Variants in EPAS1 observed in about 807,000 individuals in gnomAD.
EPAS1 encodes endothelial PAS domain protein 1.
Under a neutral mutation model 87.9 loss-of-function variants are expected in EPAS1, and 23 were observed. That is an observed-to-expected ratio of 0.26 (90% confidence interval 0.19 to 0.37). The LOEUF is 0.37. Ranked by LOEUF, EPAS1 falls within the 10% of genes least tolerant of loss-of-function variation. The pLI, the probability that EPAS1 is intolerant of heterozygous loss-of-function variation, is 1.00. For missense variants in EPAS1, 1,138 were observed against 1,120.7 expected (o/e 1.02, Z -0.22); for synonymous variants, 508 against 444.3 (o/e 1.14, Z -1.80).
rs1685032566 is a variant in EPAS1, at chr2:46,386,643, C to CTT, written c.*1985_*1986dup. ...ACATTATAACTGTATGGGAGCTTAACTTTATAAGGAAATGTATTTTGACAC... is the reference window on the plus strand; with the variant it reads ...ACATTATAACTGTATGGGAGCTTAACTTTTTATAAGGAAATGTATTTTGACAC... On this transcript the variant is annotated 3_prime_UTR_variant, in exon 16 of 16. Transcript: ENST00000263734. 1 of 152,646 alleles carries CTT rather than the reference C, an allele frequency of 6.6e-6. No individual in the cohort carries two copies. The highest frequency in any genetic ancestry group is 2.1e-4 in the South Asian group (1 of 4,832). The allele number at this position is 152,646 out of a possible 1,614,324, so 9.5% of individuals were successfully genotyped here.
chr2:46,325,849 G>A (rs1294154859), intron 1 of EPAS1, among the ~76,000 whole-genome samples: 1 of 152,158 alleles, frequency 6.6e-6, no homozygotes, highest in East Asian at 1.9e-4. Context: ...GGGACACAAA[G>A]AAGAAACAGA....
At chr2:46,359,536 C>T (rs1211390746) in intron 4 of EPAS1, among the ~76,000 whole-genome samples, 1 of 152,154 alleles carries the variant, frequency 6.6e-6, no homozygotes, top group African/African-American at 2.4e-5. Context: ...GGAATGTTCT[C>T]TCTTTTTTAA....
intron 1 of EPAS1, among the ~76,000 whole-genome samples, chr2:46,306,726 T>A (rs1223138741): frequency 2.0e-5 from 3 of 152,220 alleles, no homozygotes; most frequent in Admixed American, 6.5e-5. Context: ...AACAGAAAAT[T>A]GTGCCTTTTG....
chr2:46,358,603 T>C (rs777975089), intron 4 of EPAS1, among the ~76,000 whole-genome samples: 3 of 152,226 alleles, frequency 2.0e-5, no homozygotes, highest in African/African-American at 4.8e-5. Context: ...TCTTTTCAAA[T>C]TGATGGTATT....
At chr2:46,355,284 A>G (rs564188466) in intron 2 of EPAS1, among the ~76,000 whole-genome samples, 1 of 152,340 alleles carries the variant, frequency 6.6e-6, no homozygotes, top group Admixed American at 6.5e-5. Context: ...TGTTATTCCC[A>G]TTTAGCTGAT....
chr2:46,310,923 C>A (rs1455699383), intron 1 of EPAS1, among the ~76,000 whole-genome samples: 1 of 152,218 alleles, frequency 6.6e-6, no homozygotes, highest in African/African-American at 2.4e-5. Context: ...GTTGCCCAGG[C>A]TGGAGTGCAG....
At position 46,331,894 on chromosome 2, in the gene EPAS1, T is replaced by C. The variant is rs866493783; in HGVS notation, c.27-14979T>C. Among the ~76,000 whole-genome samples the C allele has an allele frequency of 1.1e-4, 16 of 152,138 alleles. No homozygotes were observed. The East Asian group carries it at 1.7e-3, about 16-fold the overall frequency. ...TCAGGACTTTCAGGCTGTTTTTTTTTCCCCGGGCTTAAAGTCTTTCTCTGC... is the reference window on the plus strand; with the variant it reads ...TCAGGACTTTCAGGCTGTTTTTTTTCCCCCGGGCTTAAAGTCTTTCTCTGC... On this transcript the variant is annotated intron_variant, in intron 1 of 15. Transcript: ENST00000263734.
At chr2:46,339,216 G>C (rs188894825) in intron 1 of EPAS1, among the ~76,000 whole-genome samples, 64 of 152,314 alleles carry the variant, frequency 4.2e-4, no homozygotes, top group African/African-American at 1.4e-3. Flanking sequence ...AATCCAATGA[G>C]ATCTCAGCTC....
intron 1 of EPAS1, among the ~76,000 whole-genome samples, chr2:46,325,253 T>G (rs1005642850): frequency 3.3e-5 from 5 of 152,260 alleles, no homozygotes; most frequent in African/African-American, 1.2e-4. Flanking sequence ...TGTATTACAT[T>G]AGAGTATTAC....
intron 15 of EPAS1, 110 bp from the exon 16 acceptor site, chr2:46,384,399 C>A (rs1684963569): frequency 1.4e-6 from 2 of 1,463,032 alleles, no homozygotes; most frequent in Non-Finnish European, 9.6e-7. Flanking sequence ...ACTGAAGGAG[C>A]AGAGTGAAAT....
chr2:46,341,027 T>G (rs939255226), intron 1 of EPAS1, among the ~76,000 whole-genome samples: 3 of 152,212 alleles, frequency 2.0e-5, no homozygotes, highest in Non-Finnish European at 4.4e-5. Flanking sequence ...GCCTATTTTC[T>G]GTTTTCACTA....
Position 46,380,917 on chromosome 2 carries a change from C to A in EPAS1, c.2045+200C>A, listed in dbSNP as rs1430094219. Among the ~76,000 whole-genome samples the A allele has an allele frequency of 6.6e-6, 1 of 152,132 alleles. No individual in the cohort carries two copies. Among genetic ancestry groups the A allele is most frequent in the Non-Finnish European group, 1.5e-5 (1 of 68,016 alleles). ...GTAGGATGGGTTTTTATCTGGGCTG[C>A]CACTGAGGGCAGGCAAAGAAGTGGC... On this transcript the variant is annotated intron_variant, in intron 12 of 15. Transcript: ENST00000263734. The surrounding 1 kb of genome is among the most constrained non-coding windows in gnomAD (Gnocchi z 4.4).
At chr2:46,376,801 G>T in intron 9 of EPAS1, 48 bp downstream of exon 9, 1 of 1,593,874 alleles carries the variant, frequency 6.3e-7, no homozygotes, top group Non-Finnish European at 8.6e-7. Context: ...CGTTGGGGCT[G>T]GGAAGAGTTC....
chr2:46,363,906 G>A (rs908089287), intron 6 of EPAS1, among the ~76,000 whole-genome samples: 3 of 152,178 alleles, frequency 2.0e-5, no homozygotes, highest in Non-Finnish European at 4.4e-5. Flanking sequence ...GTGTTTAACC[G>A]ATTAGCAGAT....
rs1259285597 is a variant in EPAS1 at position 46,382,534 on chromosome 2, C to G, written c.2397C>G (p.Phe799Leu). 1 of 1,614,154 alleles carries G rather than the reference C, an allele frequency of 6.2e-7. No individual in the cohort carries two copies. The highest frequency in any genetic ancestry group is 1.7e-5 in the Admixed American group (1 of 60,034). ...ISPGENSKSR[F>L]PPQCYATQYQ... ...CCGGGGAGAACAGCAAGAGCAGGTT[C>G]CCCCCACAGTGCTACGCCACCCAGT... The change falls in exon 15 of 16, where the codon TTC becomes TTG. Residue 799 changes from phenylalanine (F) to leucine (L), a missense_variant. Physicochemically the swap from Phe to Leu is conservative, Grantham distance 22 (BLOSUM62 0). This residue lies in a region of EPAS1 where 502 missense variants were observed against 427.1 expected (regional missense o/e 1.18). Transcript: ENST00000263734.
At chr2:46,317,533 T>A (rs1304596042) in intron 1 of EPAS1, among the ~76,000 whole-genome samples, 2 of 152,236 alleles carry the variant, frequency 1.3e-5, no homozygotes, top group African/African-American at 2.4e-5. Context: ...AGAGCACCAA[T>A]AAAGTAGATT....
chr2:46,374,765 T>C (rs1684702606), intron 7 of EPAS1, among the ~76,000 whole-genome samples: 1 of 152,200 alleles, frequency 6.6e-6, no homozygotes, highest in Non-Finnish European at 1.5e-5. Flanking sequence ...AGAGATTTAT[T>C]GATTCCTTTT....
chr2:46,360,877 T>G lies in EPAS1; in HGVS notation c.574-8T>G. On this transcript the variant is annotated splice_region_variant and splice_polypyrimidine_tract_variant and intron_variant, in intron 5 of 15. Coordinates refer to ENST00000263734, the MANE Select transcript of EPAS1 (RefSeq NM_001430.5). This position sits in a 1 kb window ranked among gnomAD's most constrained non-coding sequence, Gnocchi z 4.5. Reference sequence around the variant, plus strand: ...GCTCCATGTCTGACCCTTCCACGCCTGTCTCAGGTCTTGCACTGCACGGGC... The same window carrying G: ...GCTCCATGTCTGACCCTTCCACGCCGGTCTCAGGTCTTGCACTGCACGGGC... 2.5e-6 allele frequency: 4 copies of G among 1,614,130 alleles called. No individual in the cohort carries two copies. The highest frequency in any genetic ancestry group is 3.4e-6 in the Non-Finnish European group (4 of 1,180,012).
At chr2:46,329,671 A>G (rs1002923420) in intron 1 of EPAS1, among the ~76,000 whole-genome samples, 1 of 152,110 alleles carries the variant, frequency 6.6e-6, no homozygotes, top group African/African-American at 2.4e-5. Context: ...AAAATACACA[A>G]TTTAGCCAGG....
Sources: gnomAD v4.1 joint callset for allele counts (sites outside exome capture counted in the v4.1 genomes callset) on GRCh38, gnomAD v4.1.1 for gene constraint, gnomAD v4.1.1 regional missense constraint, Gnocchi (gnomAD v3.1) non-coding constraint, MANE v1.5 for transcripts, NCBI Gene and HGNC (gene_info 2026-07-23, HGNC 2026-07-21) for gene names.